DSCAM: variants seen among roughly 807,000 people sequenced by gnomAD.
The protein encoded by DSCAM is DS cell adhesion molecule, also known as cell adhesion molecule DSCAM.
DSCAM carries 47 observed loss-of-function variants against 217.7 expected under a neutral mutation model. The ratio of observed to expected loss-of-function variants is 0.22; its 90% CI spans 0.17 to 0.28. The LOEUF (loss-of-function observed/expected upper bound fraction) is 0.28. Ranked by LOEUF, DSCAM falls within the 10% of genes least tolerant of loss-of-function variation. The pLI is 1.00. For missense variants in DSCAM, 2,080 were observed against 2,618.3 expected (o/e 0.79, Z 4.49); for synonymous variants, 1,056 against 1,015.3 (o/e 1.04, Z -0.76).
At chr21:40,701,475 G>C (rs2090655646) in intron 2 of DSCAM, among the ~76,000 whole-genome samples, 1 of 151,948 alleles carries the variant, frequency 6.6e-6, no homozygotes, top group Admixed American at 6.5e-5. Context: ...TATAGTTTTA[G>C]TTTTATCCTC....
chr21:40,754,647 C>T (rs1200713177), intron 1 of DSCAM, among the ~76,000 whole-genome samples: 3 of 152,206 alleles, frequency 2.0e-5, no homozygotes, highest in African/African-American at 7.2e-5. Context: ...GGCACTTTCA[C>T]CTGCCAAAGA....
chr21:40,318,356 A>G (rs1259076765), intron 8 of DSCAM, among the ~76,000 whole-genome samples: 2 of 151,116 alleles, frequency 1.3e-5, no homozygotes, highest in Non-Finnish European at 1.5e-5. Context: ...AAAAAGAATG[A>G]CTTAGAAAAG....
intron 3 of DSCAM, among the ~76,000 whole-genome samples, chr21:40,461,108 G>A (rs1409265684): frequency 2.6e-5 from 4 of 151,810 alleles, no homozygotes; most frequent in African/African-American, 9.7e-5. Context: ...TAGGAACAAT[G>A]CAGCTGTTTA....
intron 3 of DSCAM, among the ~76,000 whole-genome samples, chr21:40,556,780 G>A (rs2183579): frequency 0.45 from 68,620 of 151,998 alleles, 16,806 homozygotes; most frequent in Admixed American, 0.55. Context: ...CCCCCATGAC[G>A]CAATACCTCC....
At chr21:40,228,847 T>G (rs2091356598) in intron 11 of DSCAM, among the ~76,000 whole-genome samples, 1 of 152,164 alleles carries the variant, frequency 6.6e-6, no homozygotes, top group African/African-American at 2.4e-5. Flanking sequence ...GCATTGTTCC[T>G]TGCTTCCAGG....
At chr21:40,686,496 G>T (rs2090480154) in intron 3 of DSCAM, among the ~76,000 whole-genome samples, 1 of 152,088 alleles carries the variant, frequency 6.6e-6, no homozygotes, top group African/African-American at 2.4e-5. Context: ...TATCCTCTGG[G>T]CTAAATTTGC....
intron 3 of DSCAM, among the ~76,000 whole-genome samples, chr21:40,500,512 T>G (rs541057646): frequency 2.2e-3 from 341 of 152,344 alleles, no homozygotes; most frequent in African/African-American, 7.9e-3. Context: ...AATCTTACTT[T>G]TCTTTTTCTA....
chr21:40,563,816 A>G (rs1239536693), intron 3 of DSCAM, among the ~76,000 whole-genome samples: 1 of 147,238 alleles, frequency 6.8e-6, no homozygotes, highest in East Asian at 2.0e-4. Context: ...ATGTGTATAT[A>G]TAGTTATATG....
intron 3 of DSCAM, among the ~76,000 whole-genome samples, chr21:40,427,668 G>T (rs145418205): frequency 9.6e-4 from 146 of 152,278 alleles, no homozygotes; most frequent in Middle Eastern, 3.4e-3. Context: ...GAAAGAGTTA[G>T]GGAGAGGATA....
chr21:40,353,549 G>T lies in DSCAM; in HGVS notation c.850C>A (p.Arg284Ser). 3.1e-6 allele frequency: 5 copies of T among 1,611,828 alleles called. No homozygotes were observed. The highest frequency in any genetic ancestry group is 4.2e-6 in the Non-Finnish European group (5 of 1,179,266). Reference sequence around the variant, plus strand: ...ACATAGCTGCCTGAGTCCGAGGGGCGAATGTTCTCAATGAGCAGCCCCGTC... The same window carrying T: ...ACATAGCTGCCTGAGTCCGAGGGGCTAATGTTCTCAATGAGCAGCCCCGTC... ...TVTGLLIENI[R>S]PSDSGSYVCE... The change falls in exon 5 of 33, where the codon CGC becomes AGC. Residue 284 changes from arginine (R) to serine (S), a missense_variant. Physicochemically the swap from Arg to Ser is moderately radical, Grantham distance 110. Around this residue, in one of 5 missense-constraint regions of DSCAM, gnomAD observed 568 missense variants for 678.1 expected, o/e 0.84. Coordinates refer to ENST00000400454, the MANE Select transcript of DSCAM (RefSeq NM_001389.5).
chr21:40,298,581 T>C (rs894581883), intron 9 of DSCAM, among the ~76,000 whole-genome samples: 1 of 152,194 alleles, frequency 6.6e-6, no homozygotes, highest in African/African-American at 2.4e-5. Context: ...GTGAGGAAAT[T>C]ATCTCTAAGA....
intron 11 of DSCAM, among the ~76,000 whole-genome samples, chr21:40,275,445 C>G (rs1217944909): frequency 6.6e-6 from 1 of 152,184 alleles, no homozygotes; most frequent in Non-Finnish European, 1.5e-5. Flanking sequence ...ACTAGATGCA[C>G]CATCATTTTG....
At chr21:40,183,110 GA>G (rs576622858) in intron 14 of DSCAM, among the ~76,000 whole-genome samples, 829 of 70,190 alleles carry the variant, frequency 0.012, 238 homozygotes, top group South Asian at 0.018. Flanking sequence ...GGGGTTACCA[GA>G]GAAACCGTGG....
intron 3 of DSCAM, among the ~76,000 whole-genome samples, chr21:40,559,620 A>T (rs1034201334): frequency 6.6e-6 from 1 of 152,104 alleles, no homozygotes; most frequent in African/African-American, 2.4e-5. Context: ...TCTCATTTAC[A>T]CAAAACACAC....
At chr21:40,504,385 CT>C (rs139148378) in intron 3 of DSCAM, among the ~76,000 whole-genome samples, 13,208 of 152,176 alleles carry the variant, frequency 0.087, 673 homozygotes, top group Middle Eastern at 0.16. Context: ...TTCTCCATGC[CT>C]TCTCTAAGTC....
intron 11 of DSCAM, among the ~76,000 whole-genome samples, chr21:40,234,131 G>C (rs144032458): frequency 1.3e-5 from 2 of 152,112 alleles, no homozygotes; most frequent in South Asian, 2.1e-4. Context: ...ATATTATATC[G>C]GTCTTAAAAC....
chr21:40,352,811 T>C (rs967244279), intron 5 of DSCAM, among the ~76,000 whole-genome samples: 2 of 152,290 alleles, frequency 1.3e-5, no homozygotes. Context: ...GTTGAGTAGA[T>C]TAGATTGTGA....
chr21:40,725,058 A>G (rs938075917), intron 1 of DSCAM, among the ~76,000 whole-genome samples: 1 of 152,216 alleles, frequency 6.6e-6, no homozygotes, highest in African/African-American at 2.4e-5. Flanking sequence ...CTCCAGTCTA[A>G]TCTGGTCCCT....
At chr21:40,324,497 T>C (rs1309267691) in intron 8 of DSCAM, among the ~76,000 whole-genome samples, 1 of 152,198 alleles carries the variant, frequency 6.6e-6, no homozygotes, top group Non-Finnish European at 1.5e-5. Context: ...ACTGGATAAT[T>C]TCTTGGGGCC....
Sources: gnomAD v4.1 joint callset for allele counts (sites outside exome capture counted in the v4.1 genomes callset) on GRCh38, gnomAD v4.1.1 for gene constraint, gnomAD v4.1.1 regional missense constraint, MANE v1.5 for transcripts, NCBI Gene and HGNC (gene_info 2026-07-23, HGNC 2026-07-21) for gene names.